The following ANKRD44 variants were observed in gnomAD, a reference collection of about 807,000 sequenced individuals.
The protein encoded by ANKRD44 is ankyrin repeat domain 44.
Under a neutral mutation model 116.0 loss-of-function variants are expected in ANKRD44, and 35 were observed. The ratio of observed to expected loss-of-function variants is 0.30; its 90% CI spans 0.23 to 0.40. The LOEUF (loss-of-function observed/expected upper bound fraction) is 0.40, where lower values mean the gene tolerates loss of function less well. Among genes scored for constraint, ANKRD44 ranks in the 10% least tolerant of loss-of-function variants. The probability of loss-of-function intolerance (pLI) is 1.00; values close to 1 mark genes in which losing one functional copy is unlikely to be tolerated. For missense variants in ANKRD44, 1,014 were observed against 1,242.6 expected (o/e 0.82, Z 2.77); for synonymous variants, 435 against 461.8 (o/e 0.94, Z 0.74).
intron 1 of ANKRD44, among the ~76,000 whole-genome samples, chr2:197,293,259 T>C (rs2083621389): frequency 6.6e-6 from 1 of 152,194 alleles, no homozygotes; most frequent in Admixed American, 6.5e-5. Flanking sequence ...ACTTATTCAA[T>C]AGTCACTGCT....
rs183594914 is a variant in ANKRD44, at chr2:197,081,434, C to T, written c.1538+211G>A. 1.7e-3 allele frequency among the ~76,000 whole-genome samples: 255 copies of T among 152,238 alleles called. 2 individuals carry two copies. Among genetic ancestry groups the T allele is most frequent in the Non-Finnish European group, 4.7e-4 (32 of 68,026 alleles). On this transcript the variant is annotated intron_variant, in intron 15 of 27. Coordinates refer to ENST00000282272, the MANE Select transcript of ANKRD44 (RefSeq NM_001195144.2). Reference sequence around the variant, plus strand: ...AATCACAGTGGTGGCTGAAGCAAAGCGTACAATTTTAGAAAGTTCCCTGTG... The same window carrying T: ...AATCACAGTGGTGGCTGAAGCAAAGTGTACAATTTTAGAAAGTTCCCTGTG...
Position 197,201,463 on chromosome 2 carries a change from T to C in ANKRD44, c.28-14357A>G, listed in dbSNP as rs375702405. Among the ~76,000 whole-genome samples, 19 of 152,292 alleles carry C rather than the reference T, an allele frequency of 1.2e-4. No homozygotes were observed. The South Asian group carries it at 3.9e-3, about 32-fold the overall frequency. On this transcript the variant is annotated intron_variant, in intron 1 of 27. Coordinates refer to ENST00000282272, the MANE Select transcript of ANKRD44 (RefSeq NM_001195144.2). This position sits in a 1 kb window ranked among gnomAD's most constrained non-coding sequence, Gnocchi z 4.0. ...ACAAGGCATCAGGGAGATAGGATCCTTTGGCCTCCTCTGGCCCAACTGACA... is the reference window on the plus strand; with the variant it reads ...ACAAGGCATCAGGGAGATAGGATCCCTTGGCCTCCTCTGGCCCAACTGACA...
At chr2:197,007,199 T>C (rs1174120824) in intron 20 of ANKRD44, among the ~76,000 whole-genome samples, 1 of 152,030 alleles carries the variant, frequency 6.6e-6, no homozygotes, top group Non-Finnish European at 1.5e-5. Context: ...AGAAATTGCA[T>C]AACTACTGAA....
At chr2:197,157,913 A>G (rs908213661) in intron 2 of ANKRD44, among the ~76,000 whole-genome samples, 1 of 152,184 alleles carries the variant, frequency 6.6e-6, no homozygotes, top group South Asian at 2.1e-4. Flanking sequence ...CTGTGCCCAG[A>G]CATTCCCAAG....
intron 1 of ANKRD44, chr2:197,263,220 C>T: frequency 2.0e-6 from 1 of 504,724 alleles, no homozygotes; most frequent in South Asian, 2.0e-5. Flanking sequence ...GAGACACTGA[C>T]AGGTGAGAAC....
At chr2:197,270,550 T>C (rs1399206654) in intron 1 of ANKRD44, among the ~76,000 whole-genome samples, 3 of 151,914 alleles carry the variant, frequency 2.0e-5, no homozygotes, top group Non-Finnish European at 4.4e-5. Flanking sequence ...GACATCCAGG[T>C]GGAATTTCTA....
chr2:197,123,082 G>T (rs80072223), intron 6 of ANKRD44, among the ~76,000 whole-genome samples: 17 of 152,272 alleles, frequency 1.1e-4, no homozygotes, highest in African/African-American at 4.1e-4. Flanking sequence ...GTGAGGTTTT[G>T]CCAAGATATT....
intron 2 of ANKRD44, among the ~76,000 whole-genome samples, chr2:197,186,612 C>CTTTTATTTTTTTTTTTTTTT (rs2080671967): frequency 2.0e-5 from 1 of 50,786 alleles, no homozygotes. Flanking sequence ...GCTAATTTTT[C>CTTTTATTTTTTTTTTTTTTT]TTTTTTTTTT....
At chr2:197,236,111 C>T (rs1162336477) in intron 1 of ANKRD44, among the ~76,000 whole-genome samples, 1 of 152,090 alleles carries the variant, frequency 6.6e-6, no homozygotes, top group African/African-American at 2.4e-5. Flanking sequence ...TCAACAAATG[C>T]CCAGGATCCC....
chr2:197,208,128 G>A (rs2081249257), intron 1 of ANKRD44, among the ~76,000 whole-genome samples: 1 of 152,130 alleles, frequency 6.6e-6, no homozygotes, highest in Admixed American at 6.5e-5. Flanking sequence ...GATTTGTTAC[G>A]TATTTTAGAC....
intron 16 of ANKRD44, among the ~76,000 whole-genome samples, chr2:197,030,832 G>GT (rs991031384): frequency 6.6e-6 from 1 of 151,998 alleles, no homozygotes; most frequent in African/African-American, 2.4e-5. Flanking sequence ...TGGTGGTGTT[G>GT]TTTTTTACTT....
chr2:197,010,383 C>A (rs1465881493), intron 18 of ANKRD44, among the ~76,000 whole-genome samples: 2 of 151,960 alleles, frequency 1.3e-5, no homozygotes, highest in African/African-American at 2.4e-5. Context: ...TCCCTGGGAG[C>A]CCTTTCCTAG....
intron 2 of ANKRD44, among the ~76,000 whole-genome samples, chr2:197,151,862 A>G (rs1030131213): frequency 1.3e-5 from 2 of 152,228 alleles, no homozygotes; most frequent in Non-Finnish European, 2.9e-5. Context: ...ATCAAATGCA[A>G]TAAGACAAAA....
chr2:197,276,324 GT>G (rs1369946927), intron 1 of ANKRD44, among the ~76,000 whole-genome samples: 2 of 148,704 alleles, frequency 1.3e-5, no homozygotes, highest in Non-Finnish European at 3.0e-5. Flanking sequence ...TTTGCTAAGA[GT>G]TTTTTACACC....
chr2:197,236,034 G>C (rs976511383), intron 1 of ANKRD44, among the ~76,000 whole-genome samples: 2 of 152,182 alleles, frequency 1.3e-5, no homozygotes, highest in African/African-American at 4.8e-5. Context: ...CTGCACACTT[G>C]ATGGGAACAG....
chr2:197,101,939 T>A (rs949074478), intron 9 of ANKRD44, among the ~76,000 whole-genome samples: 20 of 152,190 alleles, frequency 1.3e-4, no homozygotes, highest in Admixed American at 1.2e-3. Context: ...AAGTCAAAAG[T>A]CATATTTTTG....
intron 16 of ANKRD44, among the ~76,000 whole-genome samples, chr2:197,048,436 G>A (rs747146769): frequency 5.6e-4 from 85 of 152,086 alleles, no homozygotes; most frequent in Non-Finnish European, 7.9e-4. Context: ...GAGAACATGC[G>A]GTGTTTGGTT....
At chr2:196,992,359 T>G (rs1241049823) in intron 27 of ANKRD44, among the ~76,000 whole-genome samples, 1 of 152,130 alleles carries the variant, frequency 6.6e-6, no homozygotes, top group Non-Finnish European at 1.5e-5. Context: ...AAGTCAGTGA[T>G]GAGTAAAGGA....
In ANKRD44 at chr2:197,240,741, C is replaced by A. The variant is rs536276905; in HGVS notation, c.28-53635G>T. Among the ~76,000 whole-genome samples, 4 of 146,002 alleles carry A rather than the reference C, an allele frequency of 2.7e-5. No homozygotes were observed. In the South Asian group the frequency reaches 9.2e-4, roughly 33 times the overall value. On this transcript the variant is annotated intron_variant, in intron 1 of 27. Transcript: ENST00000282272. ...GTAAGATTTTACTGTGAACAAAAGT[C>A]ATCTCAGAAAGCCAGATCCAAGGAC...
Sources: gnomAD v4.1 joint callset for allele counts (sites outside exome capture counted in the v4.1 genomes callset) on GRCh38, gnomAD v4.1.1 for gene constraint, Gnocchi (gnomAD v3.1) non-coding constraint, MANE v1.5 for transcripts, NCBI Gene and HGNC (gene_info 2026-07-23, HGNC 2026-07-21) for gene names.